The following MDGA2 variants were observed in gnomAD, a reference collection of about 807,000 sequenced individuals.
MDGA2 encodes MAM domain-containing glycosylphosphatidylinositol anchor protein 2.
A neutral mutation model predicts 117.8 loss-of-function variants in MDGA2; 40 were observed. The observed-to-expected ratio is 0.34, with a 90% CI of 0.26 to 0.44. MDGA2 has a LOEUF of 0.44. Ranked by LOEUF, MDGA2 falls within the 20% of genes least tolerant of loss-of-function variation. MDGA2 has a pLI of 1.00. For missense variants in MDGA2, 1,123 were observed against 1,250.6 expected (o/e 0.90, Z 1.54); for synonymous variants, 452 against 439.0 (o/e 1.03, Z -0.37).
intron 2 of MDGA2, among the ~76,000 whole-genome samples, chr14:47,229,253 T>A (rs1011008095): frequency 6.6e-6 from 1 of 152,134 alleles, no homozygotes; most frequent in Non-Finnish European, 1.5e-5. Flanking sequence ...TTCTTCCTTA[T>A]TCTCTGAAAT....
At chr14:47,546,311 G>A (rs574574308) in intron 1 of MDGA2, among the ~76,000 whole-genome samples, 38 of 152,222 alleles carry the variant, frequency 2.5e-4, no homozygotes, top group Admixed American at 2.2e-3. Flanking sequence ...GGTATGCTGC[G>A]AAGAAAGGAG....
intron 3 of MDGA2, among the ~76,000 whole-genome samples, chr14:47,190,717 A>G (rs1305903537): frequency 2.0e-5 from 3 of 152,196 alleles, no homozygotes; most frequent in Non-Finnish European, 4.4e-5. Context: ...TAATAAAATG[A>G]GTTTTATAAA....
At chr14:46,946,979 T>C (rs1215353463) in intron 9 of MDGA2, among the ~76,000 whole-genome samples, 1 of 152,096 alleles carries the variant, frequency 6.6e-6, no homozygotes, top group Non-Finnish European at 1.5e-5. Flanking sequence ...TGATTATGAA[T>C]AAAATATTTT....
chr14:47,439,722 T>C (rs1892966524), intron 1 of MDGA2, among the ~76,000 whole-genome samples: 2 of 152,016 alleles, frequency 1.3e-5, no homozygotes, highest in Admixed American at 6.6e-5. Flanking sequence ...TATGTCTGTA[T>C]GTATAGTCTA....
intron 1 of MDGA2, among the ~76,000 whole-genome samples, chr14:47,605,987 C>T (rs760973459): frequency 1.3e-5 from 2 of 152,028 alleles, no homozygotes; most frequent in African/African-American, 2.4e-5. Flanking sequence ...TCAAAGAGGC[C>T]GTCTTCAAAC....
At chr14:46,925,180 A>T (rs1884279675) in intron 9 of MDGA2, among the ~76,000 whole-genome samples, 1 of 152,228 alleles carries the variant, frequency 6.6e-6, no homozygotes. Flanking sequence ...ATCTTGAAAG[A>T]CATGCTGTCA....
intron 9 of MDGA2, among the ~76,000 whole-genome samples, chr14:46,947,483 C>T (rs1245106401): frequency 6.6e-6 from 1 of 152,014 alleles, no homozygotes; most frequent in Admixed American, 6.6e-5. Context: ...TTGGCTGTGT[C>T]CCCACCCAAA....
At chr14:47,350,997 G>C (rs1422809914) in intron 1 of MDGA2, among the ~76,000 whole-genome samples, 2 of 151,986 alleles carry the variant, frequency 1.3e-5, no homozygotes, top group Admixed American at 6.6e-5. Flanking sequence ...CTGCAACCTC[G>C]GCTTCCTGGA....
intron 2 of MDGA2, among the ~76,000 whole-genome samples, chr14:47,245,521 T>G (rs1887208426): frequency 6.6e-6 from 1 of 151,686 alleles, no homozygotes; most frequent in Non-Finnish European, 1.5e-5. Flanking sequence ...CACAATTAAT[T>G]CATGATATGG....
At chr14:47,633,850 T>C (rs1897279243) in intron 1 of MDGA2, among the ~76,000 whole-genome samples, 1 of 152,166 alleles carries the variant, frequency 6.6e-6, no homozygotes, top group Non-Finnish European at 1.5e-5. Context: ...GTAGGTTAGC[T>C]AAAGGATCCT....
intron 6 of MDGA2, among the ~76,000 whole-genome samples, chr14:47,064,975 G>T (rs1205175537): frequency 6.6e-6 from 1 of 152,012 alleles, no homozygotes; most frequent in Non-Finnish European, 1.5e-5. Context: ...ATGGAAAAAG[G>T]ATAGCAGAAA....
At chr14:47,510,455 C>A (rs1594893256) in intron 1 of MDGA2, among the ~76,000 whole-genome samples, 1 of 152,146 alleles carries the variant, frequency 6.6e-6, no homozygotes, top group East Asian at 1.9e-4. Context: ...TTAAGCAATT[C>A]TACAAACCTT....
In MDGA2 at chr14:47,257,858, A is replaced by C. The variant is rs1157507280; in HGVS notation, c.421-39663T>G. Among the ~76,000 whole-genome samples the C allele has an allele frequency of 2.6e-5, 4 of 152,124 alleles. No individual in the cohort carries two copies. The East Asian group carries it at 7.7e-4, about 29-fold the overall frequency. On this transcript the variant is annotated intron_variant, in intron 2 of 16. Transcript: ENST00000399232. ...CATACTTCTTGTTCATATTCCTCCT[A>C]GGTGACTTTTGAAAAAACAGATACT...
At chr14:47,481,988 G>A (rs942681357) in intron 1 of MDGA2, among the ~76,000 whole-genome samples, 2 of 152,114 alleles carry the variant, frequency 1.3e-5, no homozygotes, top group South Asian at 4.1e-4. Context: ...CAGGTACACA[G>A]GCACCGTGAT....
chr14:47,359,279 G>A (rs548709025), intron 1 of MDGA2, among the ~76,000 whole-genome samples: 92 of 152,164 alleles, frequency 6.0e-4, no homozygotes, highest in African/African-American at 2.0e-3. Flanking sequence ...GCTTGAACCC[G>A]GGAGGTGAAG....
At chr14:47,476,724 G>A (rs757498119) in intron 1 of MDGA2, among the ~76,000 whole-genome samples, 4 of 152,050 alleles carry the variant, frequency 2.6e-5, no homozygotes, top group South Asian at 2.1e-4. Flanking sequence ...ATGGACATAC[G>A]TGTATGGGTA....
intron 1 of MDGA2, among the ~76,000 whole-genome samples, chr14:47,509,436 T>C (rs537303990): frequency 2.0e-5 from 3 of 152,234 alleles, no homozygotes; most frequent in Admixed American, 1.3e-4. Flanking sequence ...CTCTTTTATT[T>C]GAAGTATGTA....
chr14:46,895,775 A>G (rs1008545864), intron 10 of MDGA2, among the ~76,000 whole-genome samples: 6 of 152,020 alleles, frequency 3.9e-5, no homozygotes, highest in Admixed American at 3.9e-4. Context: ...ATAAACCTAC[A>G]GGATATTTTA....
intron 8 of MDGA2, among the ~76,000 whole-genome samples, chr14:46,993,380 T>A (rs906385790): frequency 1.3e-5 from 2 of 152,116 alleles, no homozygotes; most frequent in African/African-American, 4.8e-5. Context: ...TATTTATAAA[T>A]CCTGAACATT....
Sources: gnomAD v4.1 joint callset for allele counts (sites outside exome capture counted in the v4.1 genomes callset) on GRCh38, gnomAD v4.1.1 for gene constraint, MANE v1.5 for transcripts, NCBI Gene and HGNC (gene_info 2026-07-23, HGNC 2026-07-21) for gene names.